PDE1A: variants seen among roughly 807,000 people sequenced by gnomAD.
PDE1A encodes the protein dual specificity calcium/calmodulin-dependent 3',5'-cyclic nucleotide phosphodiesterase 1A.
Under a neutral mutation model 61.7 loss-of-function variants are expected in PDE1A, and 35 were observed. The observed-to-expected ratio is 0.57, with a 90% CI of 0.43 to 0.75. The LOEUF (loss-of-function observed/expected upper bound fraction) is 0.75. Among genes scored for constraint, PDE1A ranks in the 30% least tolerant of loss-of-function variants. PDE1A has a pLI of 0.00. For missense variants in PDE1A, 597 were observed against 630.6 expected (o/e 0.95, Z 0.57); for synonymous variants, 232 against 213.2 (o/e 1.09, Z -0.77).
intron 3 of PDE1A, among the ~76,000 whole-genome samples, chr2:182,239,748 G>A (rs1034756670): frequency 4.6e-5 from 7 of 152,168 alleles, no homozygotes; most frequent in African/African-American, 1.7e-4. Context: ...ACCCAGTGTA[G>A]AATGTATTTC....
At chr2:182,691,336 A>G in the PDE1A span, among the ~76,000 whole-genome samples, 1 of 152,230 alleles carries the variant, frequency 6.6e-6, no homozygotes, top group Non-Finnish European at 1.5e-5. Context: ...ACAGAGATAT[A>G]GACCAATGGA....
intron 2 of PDE1A, among the ~76,000 whole-genome samples, chr2:182,459,832 C>T (rs911282466): frequency 6.6e-6 from 1 of 152,136 alleles, no homozygotes; most frequent in African/African-American, 2.4e-5. Context: ...ATTTTTTTCT[C>T]AAAACGCTGA....
intron 2 of PDE1A, among the ~76,000 whole-genome samples, chr2:182,497,843 C>T (rs1387472684): frequency 2.6e-5 from 4 of 151,616 alleles, no homozygotes; most frequent in African/African-American, 9.7e-5. Context: ...GAAATTGAGT[C>T]CATCCTGGCT....
At chr2:182,237,115 G>A (rs1364228509) in intron 3 of PDE1A, among the ~76,000 whole-genome samples, 1 of 152,150 alleles carries the variant, frequency 6.6e-6, no homozygotes, top group African/African-American at 2.4e-5. Context: ...CCTAAAGGTG[G>A]TGAAAGTCTA....
intron 1 of PDE1A, among the ~76,000 whole-genome samples, chr2:182,340,411 G>A (rs969344422): frequency 1.3e-5 from 2 of 152,074 alleles, no homozygotes; most frequent in African/African-American, 4.8e-5. Flanking sequence ...GGCTATTTTG[G>A]GTTCCGACAC....
the PDE1A span, among the ~76,000 whole-genome samples, chr2:182,632,893 A>G: frequency 6.6e-6 from 1 of 152,236 alleles, no homozygotes; most frequent in Non-Finnish European, 1.5e-5. Flanking sequence ...AATTTACTCA[A>G]TAAAAAGCAC....
intron 2 of PDE1A, among the ~76,000 whole-genome samples, chr2:182,452,814 A>G (rs1401206979): frequency 6.6e-6 from 1 of 152,150 alleles, no homozygotes; most frequent in Non-Finnish European, 1.5e-5. Context: ...CCAGTGGTTA[A>G]ACACCATGGC....
At chr2:182,178,522 T>G (rs1684480666) in intron 13 of PDE1A, among the ~76,000 whole-genome samples, 1 of 152,132 alleles carries the variant, frequency 6.6e-6, no homozygotes, top group Non-Finnish European at 1.5e-5. Context: ...TGGCCATCCC[T>G]GTGCATTTTG....
chr2:182,543,027 G>A, the PDE1A span, among the ~76,000 whole-genome samples: 6 of 152,116 alleles, frequency 3.9e-5, no homozygotes, highest in Non-Finnish European at 8.8e-5. Context: ...TTTTGTGAGT[G>A]TACTCTGAGT....
At chr2:182,324,599 C>CT (rs111942092) in intron 1 of PDE1A, among the ~76,000 whole-genome samples, 1,753 of 152,252 alleles carry the variant, frequency 0.012, 25 homozygotes, top group South Asian at 0.069. Context: ...TGTTATGTTA[C>CT]TTTTTCTTGA....
chr2:182,585,888 C>T, the PDE1A span, among the ~76,000 whole-genome samples: 1 of 152,062 alleles, frequency 6.6e-6, no homozygotes, highest in African/African-American at 2.4e-5. Context: ...GTTACAATAA[C>T]ATGATTTTGA....
chr2:182,702,232 T>C, the PDE1A span, among the ~76,000 whole-genome samples: 1 of 152,180 alleles, frequency 6.6e-6, no homozygotes, highest in Admixed American at 6.6e-5. Flanking sequence ...GCCTCCCAAG[T>C]AGCTGGGATT....
At position 182,508,876 on chromosome 2, in the gene PDE1A, C is replaced by T. The variant is rs544064637; in HGVS notation, c.101+13400G>A. 2.6e-3 allele frequency among the ~76,000 whole-genome samples: 392 copies of T among 148,998 alleles called. 1 individual carries two copies. The highest frequency in any genetic ancestry group is 4.4e-3 in the Non-Finnish European group (298 of 67,494). On this transcript the variant is annotated intron_variant, in intron 2 of 14. Transcript: ENST00000410103. Reference sequence around the variant, plus strand: ...GCACATTGTGCAGGTTAGTTACATACGTATACATGTGCCATGCTGGTGCAC... The same window carrying T: ...GCACATTGTGCAGGTTAGTTACATATGTATACATGTGCCATGCTGGTGCAC...
the PDE1A span, among the ~76,000 whole-genome samples, chr2:182,700,169 C>G: frequency 6.6e-6 from 1 of 152,182 alleles, no homozygotes; most frequent in Non-Finnish European, 1.5e-5. Flanking sequence ...AGAATAAAAA[C>G]CAGTGATTTA....
the PDE1A span, among the ~76,000 whole-genome samples, chr2:182,596,195 T>C: frequency 1.6e-4 from 24 of 152,232 alleles, no homozygotes; most frequent in Non-Finnish European, 3.1e-4. Flanking sequence ...TTTGGTACGC[T>C]GGACCAGGCA....
chr2:182,690,769 A>G, the PDE1A span, among the ~76,000 whole-genome samples: 1 of 152,222 alleles, frequency 6.6e-6, no homozygotes, highest in Non-Finnish European at 1.5e-5. Context: ...ATGATTGTAT[A>G]TCTAGAAAAA....
At chr2:182,612,681 A>G in the PDE1A span, among the ~76,000 whole-genome samples, 1 of 152,056 alleles carries the variant, frequency 6.6e-6, no homozygotes, top group African/African-American at 2.4e-5. Flanking sequence ...TGGGGCCTCT[A>G]TAAAGATGGG....
the PDE1A span, among the ~76,000 whole-genome samples, chr2:182,578,518 G>C: frequency 7.9e-5 from 12 of 152,176 alleles, no homozygotes; most frequent in African/African-American, 2.9e-4. Context: ...AAATATTCAT[G>C]TACTTTGACC....
At chr2:182,455,201 A>T (rs534028579) in intron 2 of PDE1A, among the ~76,000 whole-genome samples, 76 of 152,304 alleles carry the variant, frequency 5.0e-4, no homozygotes, top group African/African-American at 7.2e-4. Context: ...TCAAAACCAC[A>T]ATGAGATACC....
Sources: gnomAD v4.1 joint callset for allele counts (sites outside exome capture counted in the v4.1 genomes callset) on GRCh38, gnomAD v4.1.1 for gene constraint, MANE v1.5 for transcripts, NCBI Gene and HGNC (gene_info 2026-07-23, HGNC 2026-07-21) for gene names.